The following PVT1 variants were observed in gnomAD, a reference collection of about 807,000 sequenced individuals.
PVT1 encodes CXCR4/PVT1 fusion.
chr8:127,927,805 C>T (rs1816149526), intron 3 of PVT1, among the ~76,000 whole-genome samples: 1 of 152,248 alleles, frequency 6.6e-6, no homozygotes, highest in African/African-American at 2.4e-5. Context: ...GCAGTGACTT[C>T]TCACTACCTG....
chr8:128,078,302 A>T (rs1814119097), intron 5 of PVT1, among the ~76,000 whole-genome samples: 1 of 152,206 alleles, frequency 6.6e-6, no homozygotes, highest in Admixed American at 6.5e-5. Context: ...GTGGTTTCTT[A>T]AACTCCCCTC....
intron 3 of PVT1, among the ~76,000 whole-genome samples, chr8:127,923,418 C>T (rs1348488102): frequency 3.3e-5 from 5 of 152,184 alleles, no homozygotes; most frequent in Non-Finnish European, 7.3e-5. Flanking sequence ...ATGAAGCGTT[C>T]AGGTTGGGGC....
intron 2 of PVT1, among the ~76,000 whole-genome samples, chr8:127,818,354 GAATC>G (rs778279058): frequency 2.0e-5 from 3 of 152,176 alleles, no homozygotes; most frequent in Non-Finnish European, 4.4e-5. Flanking sequence ...TCTCAGTGAG[GAATC>G]AATAGCTGTT....
intron 5 of PVT1, among the ~76,000 whole-genome samples, chr8:128,081,488 G>A (rs957372740): frequency 2.0e-5 from 3 of 152,148 alleles, no homozygotes; most frequent in Non-Finnish European, 4.4e-5. Flanking sequence ...TTTTGCATTT[G>A]TTCAGAGATT....
chr8:128,082,654 G>A (rs1814202327), intron 5 of PVT1: 2 of 152,222 alleles, frequency 1.3e-5, no homozygotes, highest in Non-Finnish European at 2.9e-5. Context: ...ACCCAGTCTT[G>A]TTAGGAACAG....
rs34462486 is a variant in PVT1, at chr8:127,998,535, T to TTCTCTCTC, written n.912+9260_912+9267dup. Reference sequence around the variant, plus strand: ...TTCTTCCTTTTCTTTCCTTCTTTCTTTCTCTCTCTCTCTCTCTCTCTCTTC... The same window carrying TTCTCTCTC: ...TTCTTCCTTTTCTTTCCTTCTTTCTTTCTCTCTCTCTCTCTCTCTCTCTCTCTCTCTTC... On this transcript the variant is annotated intron_variant and non_coding_transcript_variant, in intron 4 of 10. Coordinates refer to ENST00000651587, the Ensembl canonical transcript of PVT1. 1.4e-3 allele frequency among the ~76,000 whole-genome samples: 206 copies of TTCTCTCTC among 143,566 alleles called. 3 individuals carry two copies. The East Asian group carries it at 0.016, about 11-fold the overall frequency. 94.2% of individuals were successfully genotyped at this position (143,566 alleles called of 152,430 possible).
intron 3 of PVT1, among the ~76,000 whole-genome samples, chr8:127,978,074 T>A (rs7011799): frequency 6.6e-6 from 1 of 152,130 alleles, no homozygotes; most frequent in Non-Finnish European, 1.5e-5. Flanking sequence ...GCATGCTTAC[T>A]TCCACACTGT....
At chr8:127,909,473 T>A (rs73357079) in intron 3 of PVT1, among the ~76,000 whole-genome samples, 20 of 152,212 alleles carry the variant, frequency 1.3e-4, no homozygotes, top group Non-Finnish European at 2.5e-4. Flanking sequence ...GAGCCTTGTT[T>A]TTCCCAGCTG....
At chr8:128,083,140 C>T (rs181965029) in intron 5 of PVT1, among the ~76,000 whole-genome samples, 11 of 152,280 alleles carry the variant, frequency 7.2e-5, no homozygotes, top group East Asian at 1.9e-4. Context: ...CTCTGTGACT[C>T]GCTTTTCTCA....
At chr8:127,998,860 T>C (rs10282850) in intron 4 of PVT1, among the ~76,000 whole-genome samples, 18,944 of 126,640 alleles carry the variant, frequency 0.15, 1,458 homozygotes, top group Non-Finnish European at 0.19. Context: ...TCCCTCCCTC[T>C]CTCTCTCTCT....
intron 2 of PVT1, among the ~76,000 whole-genome samples, chr8:127,880,241 A>G (rs1815449816): frequency 6.6e-6 from 1 of 152,214 alleles, no homozygotes; most frequent in South Asian, 2.1e-4. Flanking sequence ...AGGAGCTAGC[A>G]CGTGAACACT....
At chr8:128,079,618 C>G (rs1652597566) in intron 5 of PVT1, among the ~76,000 whole-genome samples, 1 of 152,182 alleles carries the variant, frequency 6.6e-6, no homozygotes, top group East Asian at 1.9e-4. Context: ...CCCTATCTCT[C>G]CTCATTACTC....
At chr8:128,077,414 T>C (rs113747715) in intron 5 of PVT1, among the ~76,000 whole-genome samples, 130 of 152,252 alleles carry the variant, frequency 8.5e-4, no homozygotes, top group African/African-American at 2.8e-3. Context: ...CTGCTTGGGC[T>C]TCAGGGGGTG....
At chr8:128,053,342 C>T (rs1310354231) in intron 4 of PVT1, among the ~76,000 whole-genome samples, 2 of 151,136 alleles carry the variant, frequency 1.3e-5, no homozygotes, top group African/African-American at 2.4e-5. Flanking sequence ...GTGTCATCTG[C>T]CATCTTGGAG....
intron 3 of PVT1, among the ~76,000 whole-genome samples, chr8:127,974,084 T>C (rs1330808310): frequency 1.3e-5 from 2 of 152,088 alleles, no homozygotes; most frequent in Admixed American, 1.3e-4. Flanking sequence ...ATTACACAGA[T>C]TGGGTTTTTC....
chr8:127,970,523 T>A (rs1470597222), intron 3 of PVT1, among the ~76,000 whole-genome samples: 1 of 151,922 alleles, frequency 6.6e-6, no homozygotes, highest in Non-Finnish European at 1.5e-5. Context: ...ATGGTCTTGA[T>A]CTTCTGGCCT....
chr8:127,893,359 C>A (rs1403694742), intron 3 of PVT1, among the ~76,000 whole-genome samples: 1 of 152,162 alleles, frequency 6.6e-6, no homozygotes, highest in Non-Finnish European at 1.5e-5. Flanking sequence ...TCACTGCAAC[C>A]TCCACCTCCT....
At chr8:127,986,332 G>A (rs968230678) in intron 3 of PVT1, among the ~76,000 whole-genome samples, 6 of 152,158 alleles carry the variant, frequency 3.9e-5, no homozygotes, top group Admixed American at 1.3e-4. Context: ...CTCTTCAGAC[G>A]TCAAAGCACA....
chr8:127,879,065 A>G (rs887107073), intron 2 of PVT1, among the ~76,000 whole-genome samples: 1 of 152,048 alleles, frequency 6.6e-6, no homozygotes. Context: ...GTTTTGGTCA[A>G]CTCCTGGCAG....
Sources: gnomAD v4.1 joint callset for allele counts (sites outside exome capture counted in the v4.1 genomes callset) on GRCh38, gnomAD v4.1.1 for gene constraint, MANE v1.5 for transcripts, NCBI Gene and HGNC (gene_info 2026-07-23, HGNC 2026-07-21) for gene names.